Variants in TMC3 observed in about 807,000 individuals in gnomAD.
The protein encoded by TMC3 is transmembrane channel-like protein 3.
In TMC3, 98 loss-of-function variants were observed where a neutral mutation model predicts 110.6. The observed-to-expected ratio is 0.89, with a 90% CI of 0.75 to 1.05. The LOEUF (loss-of-function observed/expected upper bound fraction) is 1.05. TMC3 is among the 50% of genes least tolerant of loss of function. The probability of loss-of-function intolerance (pLI) is 0.00; values close to 1 mark genes in which losing one functional copy is unlikely to be tolerated. For synonymous variants in TMC3, 489 were observed against 513.1 expected (o/e 0.95, Z 0.63); for missense variants, 1,319 against 1,373.2 (o/e 0.96, Z 0.62).
At chr15:81,336,756 C>G (rs1893605698) in intron 19 of TMC3, 105 bp from the exon 20 acceptor site, 1 of 1,208,974 alleles carries the variant, frequency 8.3e-7, no homozygotes, top group South Asian at 1.2e-5. Flanking sequence ...TAGTTCTTAC[C>G]TTGGACCATA....
Position 81,356,608 on chromosome 15 carries a change from G to C in TMC3, c.744-14C>G. 6.3e-7 allele frequency: 1 copy of C among 1,580,520 alleles called. No individual in the cohort carries two copies. Among genetic ancestry groups the C allele is most frequent in the South Asian group, 1.2e-5 (1 of 85,754 alleles). On this transcript the variant is annotated splice_polypyrimidine_tract_variant and intron_variant, in intron 7 of 21. Transcript: ENST00000359440. ...TTCTTAGCCATCCTGCAAAAGAGGAGCACAAACAGGTCTTGGGAGTCTCAG... is the reference window on the plus strand; with the variant it reads ...TTCTTAGCCATCCTGCAAAAGAGGACCACAAACAGGTCTTGGGAGTCTCAG...
chr15:81,338,761 C>G lies in TMC3; in HGVS notation c.1975G>C (p.Asp659His). 1 of 1,613,802 alleles carries G rather than the reference C, an allele frequency of 6.2e-7. No individual in the cohort carries two copies. The highest frequency in any genetic ancestry group is 1.1e-5 in the South Asian group (1 of 91,054). ...GPFSGQEKIY[D>H]IVSETIEKDF... Reference sequence around the variant, plus strand: ...TTCTCAATCGTTTCTGACACAATGTCATAAATTTTCTCTTGTCCACTGTGA... The same window carrying G: ...TTCTCAATCGTTTCTGACACAATGTGATAAATTTTCTCTTGTCCACTGTGA... Residue 659 changes from aspartate (D) to histidine (H), a missense_variant, in exon 18 of 22, where the codon GAC becomes CAC. Asp to His is a moderately conservative substitution (Grantham distance 81, BLOSUM62 -1). Coordinates refer to ENST00000359440, the MANE Select transcript of TMC3 (RefSeq NM_001080532.3).
At chr15:81,371,896 A>G (rs538948446) in intron 2 of TMC3, among the ~76,000 whole-genome samples, 1 of 152,322 alleles carries the variant, frequency 6.6e-6, no homozygotes, top group South Asian at 2.1e-4. Context: ...GTGCTGCAGG[A>G]AGTTAAGGGC....
At chr15:81,350,305 TC>T (rs1483915207) in intron 10 of TMC3, among the ~76,000 whole-genome samples, 17 of 152,180 alleles carry the variant, frequency 1.1e-4, no homozygotes, top group African/African-American at 3.9e-4. Flanking sequence ...TATTTATACT[TC>T]CCTGACCTTG....
Position 81,331,138 on chromosome 15 carries a change from C to T in TMC3, c.*1281G>A, listed in dbSNP as rs1472220959. ...AAGGTGATCACCTGGCTCAGTAGGA[C>T]TAGCGTCCAGGAAAGTCTGAGCCCT... On this transcript the variant is annotated 3_prime_UTR_variant, in exon 22 of 22. Transcript: ENST00000359440. 6.6e-6 allele frequency: 1 copy of T among 152,212 alleles called. No homozygotes were observed. 9.4% of individuals were successfully genotyped at this position (152,212 alleles called of 1,614,324 possible). A position where few individuals can be genotyped will look rare whatever the true frequency, so the allele number is the denominator to read the frequency against.
chr15:81,372,681 T>A lies in TMC3; in HGVS notation c.146A>T (p.Gln49Leu). The A allele has an allele frequency of 6.2e-7, 1 of 1,614,022 alleles. No individual in the cohort carries two copies. The highest frequency in any genetic ancestry group is 8.5e-7 in the Non-Finnish European group (1 of 1,179,886). The change falls in exon 2 of 22, where the codon CAA (glutamine) becomes CTA (leucine). Residue 49 changes from glutamine (Q) to leucine (L), a missense_variant. Coordinates refer to ENST00000359440, the MANE Select transcript of TMC3 (RefSeq NM_001080532.3). ...CTGGAACTGTATATTCTGGAAGATT[T>A]GTTCCGGATCATTGCTGTCCCCTGT... Reference protein sequence around the residue: ...DETGDSNDPEQIFQNIQFQKD... With the variant: ...DETGDSNDPELIFQNIQFQKD...
rs754048655 is a variant in TMC3 at position 81,368,285 on chromosome 15, T to C, written c.280A>G (p.Arg94Gly). The change falls in exon 3 of 22, where the codon AGG becomes GGG. Residue 94 changes from arginine (R) to glycine (G), a missense_variant. Arg to Gly is a moderately radical substitution (Grantham distance 125, BLOSUM62 -2). Coordinates refer to ENST00000359440, the MANE Select transcript of TMC3 (RefSeq NM_001080532.3). Reference sequence around the variant, plus strand: ...CCTGCTGCTTGGTAGCCTCGGGTCCTGGTCAGCCTCCCTTCAAACTTCAGC... The same window carrying C: ...CCTGCTGCTTGGTAGCCTCGGGTCCCGGTCAGCCTCCCTTCAAACTTCAGC... ...IVLKFEGRLTRTRGYQAAGAE... is the reference protein window; with the variant it reads ...IVLKFEGRLTGTRGYQAAGAE... 2.5e-6 allele frequency: 4 copies of C among 1,613,648 alleles called. No homozygotes were observed. Among genetic ancestry groups the C allele is most frequent in the South Asian group, 1.1e-5 (1 of 91,088 alleles).
intron 2 of TMC3, among the ~76,000 whole-genome samples, chr15:81,370,915 C>T (rs568098112): frequency 1.3e-5 from 2 of 152,192 alleles, no homozygotes; most frequent in Admixed American, 6.5e-5. Flanking sequence ...CCTTGTGATC[C>T]ACCTGCCTTG....
At chr15:81,363,108 A>T (rs12905001) in intron 3 of TMC3, among the ~76,000 whole-genome samples, 28,672 of 152,020 alleles carry the variant, frequency 0.19, 3,263 homozygotes, top group South Asian at 0.48. Flanking sequence ...TACAAAAATT[A>T]GTCAGGTGTG....
intron 9 of TMC3, among the ~76,000 whole-genome samples, chr15:81,354,587 G>A (rs375568482): frequency 2.0e-4 from 30 of 152,148 alleles, no homozygotes; most frequent in Non-Finnish European, 3.7e-4. Context: ...ACCAAACAGC[G>A]GGTACGAGCA....
At position 81,368,289 on chromosome 15, in the gene TMC3, C is replaced by T. The variant is rs1175034586; in HGVS notation, c.276G>A (p.Leu92=). Residue 92 remains leucine, a synonymous_variant, in exon 3 of 22, where the codon CTG becomes CTA. Coordinates refer to ENST00000359440, the MANE Select transcript of TMC3 (RefSeq NM_001080532.3). The part of the protein sequence containing the change: ...KNIVLKFEGR[L]TRTRGYQAAG... ...CTGCTTGGTAGCCTCGGGTCCTGGT[C>T]AGCCTCCCTTCAAACTTCAGCACAA... 2.5e-6 allele frequency: 4 copies of T among 1,613,724 alleles called. No homozygotes were observed. The highest frequency in any genetic ancestry group is 2.2e-5 in the South Asian group (2 of 91,060).
At chr15:81,338,443 C>T (rs1049840657) in intron 18 of TMC3, among the ~76,000 whole-genome samples, 3 of 152,282 alleles carry the variant, frequency 2.0e-5, no homozygotes, top group African/African-American at 7.2e-5. Context: ...TCCCTCATCG[C>T]CCCTCGCTGA....
intron 9 of TMC3, among the ~76,000 whole-genome samples, chr15:81,352,863 A>G (rs1310848301): frequency 6.6e-6 from 1 of 152,240 alleles, no homozygotes; most frequent in African/African-American, 2.4e-5. Context: ...CTTGTTGCCC[A>G]GGCTGGAGTG....
At chr15:81,372,349 GACAC>G (rs371289786) in intron 2 of TMC3, among the ~76,000 whole-genome samples, 16,043 of 116,444 alleles carry the variant, frequency 0.14, 1,340 homozygotes, top group Admixed American at 0.2. Flanking sequence ...CTGTCTCTCT[GACAC>G]ACACACACAC....
intron 15 of TMC3, among the ~76,000 whole-genome samples, chr15:81,342,562 G>A (rs1050259439): frequency 1.3e-5 from 2 of 152,146 alleles, no homozygotes; most frequent in Admixed American, 1.3e-4. Flanking sequence ...AAATACAGTG[G>A]CTCTAAGAAT....
In TMC3 at chr15:81,358,267, A is replaced by T. The variant is rs1165813480; in HGVS notation, c.625T>A (p.Phe209Ile). ...LGGYLQYSVL[F>I]YGYYGRERKI... Reference sequence around the variant, plus strand: ...CTCTCCCTGCCGTAATATCCGTAGAAGAGGACAGAGTACTGGAGGTAGCCC... The same window carrying T: ...CTCTCCCTGCCGTAATATCCGTAGATGAGGACAGAGTACTGGAGGTAGCCC... Residue 209 changes from phenylalanine to isoleucine, a missense_variant, in exon 7 of 22, where the codon TTC (phenylalanine) becomes ATC (isoleucine). Transcript: ENST00000359440. 1 of 1,611,672 alleles carries T rather than the reference A, an allele frequency of 6.2e-7. No homozygotes were observed. The highest frequency in any genetic ancestry group is 1.3e-5 in the African/African-American group (1 of 74,800).
intron 11 of TMC3, 124 bp downstream of exon 11, chr15:81,349,334 A>G (rs1893892157): frequency 2.0e-6 from 1 of 500,822 alleles, no homozygotes; most frequent in South Asian, 7.9e-5. Context: ...ATCCATAGGT[A>G]AAGTTCTGTG....
chr15:81,354,754 T>C (rs1371907672), intron 9 of TMC3, among the ~76,000 whole-genome samples: 1 of 152,142 alleles, frequency 6.6e-6, no homozygotes, highest in African/African-American at 2.4e-5. Context: ...AGATCACAAC[T>C]CTTCCCTCTA....
intron 3 of TMC3, among the ~76,000 whole-genome samples, chr15:81,363,379 T>G (rs1894234475): frequency 6.6e-6 from 1 of 152,260 alleles, no homozygotes; most frequent in African/African-American, 2.4e-5. Flanking sequence ...GTTGGCAGGT[T>G]GTGCATTTTA....
Sources: gnomAD v4.1 joint callset for allele counts (sites outside exome capture counted in the v4.1 genomes callset) on GRCh38, gnomAD v4.1.1 for gene constraint, MANE v1.5 for transcripts, NCBI Gene and HGNC (gene_info 2026-07-23, HGNC 2026-07-21) for gene names.